The following ACACA variants were observed in gnomAD, a reference collection of about 807,000 sequenced individuals.
ACACA encodes acetyl-CoA carboxylase 1.
In ACACA, 103 loss-of-function variants were observed where a neutral mutation model predicts 296.1. That is an observed-to-expected ratio of 0.35 (90% CI 0.30 to 0.41). ACACA has a LOEUF of 0.41. Among genes scored for constraint, ACACA ranks in the 10% least tolerant of loss-of-function variants. ACACA has a pLI of 1.00. For synonymous variants in ACACA, 953 were observed against 1,038.6 expected (o/e 0.92, Z 1.58); for missense variants, 1,554 against 2,989.7 (o/e 0.52, Z 11.20).
chr17:37,377,659 C>CAATCAATA (rs1428067831), intron 1 of ACACA, among the ~76,000 whole-genome samples: 15 of 143,634 alleles, frequency 1.0e-4, no homozygotes, highest in African/African-American at 3.9e-4. Flanking sequence ...GACTCCGTCT[C>CAATCAATA]AATAAATAAA....
chr17:37,207,967 T>C (rs774003394), intron 30 of ACACA, among the ~76,000 whole-genome samples, 167 bp from the exon 31 acceptor site: 21 of 152,234 alleles, frequency 1.4e-4, no homozygotes, highest in African/African-American at 5.1e-4. Context: ...GCTGGATTCA[T>C]GTTAACCCTT....
At chr17:37,374,289 CTTT>C (rs754001129) in intron 1 of ACACA, among the ~76,000 whole-genome samples, 3 of 140,076 alleles carry the variant, frequency 2.1e-5, no homozygotes, top group Non-Finnish European at 1.6e-5. Context: ...TTTTTCTTTT[CTTT>C]TTTTTTTTTT....
chr17:37,188,165 T>TC, intron 39 of ACACA, 112 bp downstream of exon 39: 1 of 1,040,400 alleles, frequency 9.6e-7, no homozygotes. Flanking sequence ...TAGAGGATAA[T>TC]CCCACCAGGT....
chr17:37,372,413 G>GAA (rs71135711), intron 1 of ACACA, among the ~76,000 whole-genome samples: 26 of 89,652 alleles, frequency 2.9e-4, no homozygotes, highest in African/African-American at 5.3e-4. Context: ...ACTCTGTCTC[G>GAA]AAAAAAAAAA....
chr17:37,298,088 G>A (rs1384979367), intron 3 of ACACA, among the ~76,000 whole-genome samples: 1 of 152,114 alleles, frequency 6.6e-6, no homozygotes, highest in African/African-American at 2.4e-5. Flanking sequence ...CTACAGAGTA[G>A]CTGGTACTAC....
chr17:37,243,534 A>C lies in ACACA; in HGVS notation c.2768T>G (p.Met923Arg). Reference protein sequence around the residue: ...SKVKDWVERLMKTLRDPSLPL... With the variant: ...SKVKDWVERLRKTLRDPSLPL... ...CAGGGAGGGATCTCTGAGGGTTTTC[A>C]TCAATCGCTCTACCCAGTCTTTTAC... Residue 923 changes from methionine (M) to arginine (R), a missense_variant, in exon 22 of 56, where the codon ATG (methionine) becomes AGG (arginine). This residue lies in a region of ACACA where 316 missense variants were observed against 540.9 expected (regional missense o/e 0.58). Transcript: ENST00000616317. 1 of 1,614,054 alleles carries C rather than the reference A, an allele frequency of 6.2e-7. No homozygotes were observed. Among genetic ancestry groups the C allele is most frequent in the Non-Finnish European group, 8.5e-7 (1 of 1,180,008 alleles).
rs779256794 is a variant in ACACA at position 37,113,007 on chromosome 17, T to C, written c.6452+81A>G. 6.5e-6 allele frequency: 10 copies of C among 1,545,986 alleles called. No homozygotes were observed. Among genetic ancestry groups the C allele is most frequent in the Admixed American group, 1.7e-5 (1 of 57,990 alleles). On this transcript the variant is annotated intron_variant, in intron 51 of 55. Transcript: ENST00000616317. This position sits in a 1 kb window ranked among gnomAD's most constrained non-coding sequence, Gnocchi z 4.0. ...ACAGGATGTGGGTGCTGTAGTGCCA[T>C]GGCTGTAACATTCTCCAGGAGGAAA...
chr17:37,227,995 T>C (rs948089726), intron 25 of ACACA, among the ~76,000 whole-genome samples: 2 of 152,148 alleles, frequency 1.3e-5, no homozygotes, highest in Non-Finnish European at 2.9e-5. Context: ...ATCTCCCCAC[T>C]TTGATTATCA....
At position 37,121,268 on chromosome 17, in the gene ACACA, C is replaced by T. The variant is rs543473823; in HGVS notation, c.6274+87G>A. 2.8e-5 allele frequency: 44 copies of T among 1,576,664 alleles called. No homozygotes were observed. The African/African-American group carries it at 5.8e-4, about 21-fold the overall frequency. On this transcript the variant is annotated intron_variant, in intron 50 of 55. Transcript: ENST00000616317. ...AAAGCCTAGGCTATTAGGACACCCA[C>T]AGATTCTGCTGAATCTATACCCTCC... is the stretch of plus-strand genomic sequence containing the variant.
chr17:37,347,795 T>C (rs988944247), intron 1 of ACACA, among the ~76,000 whole-genome samples: 39 of 149,406 alleles, frequency 2.6e-4, no homozygotes, highest in African/African-American at 9.6e-4. Flanking sequence ...CAAGAAAGAA[T>C]TTTTAAAAGC....
At chr17:37,381,871 C>T (rs921892909) in intron 1 of ACACA, among the ~76,000 whole-genome samples, 1 of 152,078 alleles carries the variant, frequency 6.6e-6, no homozygotes, top group Non-Finnish European at 1.5e-5. Flanking sequence ...TTGTGATCTG[C>T]CCGCCTTGGC....
intron 10 of ACACA, among the ~76,000 whole-genome samples, chr17:37,269,046 TA>T (rs35990848): frequency 0.068 from 8,278 of 121,128 alleles, 311 homozygotes; most frequent in Middle Eastern, 0.13. Flanking sequence ...GAAAAAAATG[TA>T]AAAAAAAAAA....
intron 43 of ACACA, among the ~76,000 whole-genome samples, chr17:37,151,697 C>G (rs934860060): frequency 6.6e-6 from 1 of 152,148 alleles, no homozygotes; most frequent in African/African-American, 2.4e-5. Context: ...GAGTCTCGCT[C>G]TATTGGCAGG....
intron 40 of ACACA, 25 bp from the exon 41 acceptor site, chr17:37,179,431 A>C (rs1567771375): frequency 1.2e-6 from 2 of 1,612,196 alleles, no homozygotes; most frequent in African/African-American, 1.3e-5. Flanking sequence ...AAGTTTGACT[A>C]ATCAGTCACA....
chr17:37,266,369 G>T (rs945350455), intron 10 of ACACA, among the ~76,000 whole-genome samples: 5 of 150,806 alleles, frequency 3.3e-5, no homozygotes. Flanking sequence ...AGCCGAGATC[G>T]CGCCACTGCA....
At chr17:37,166,709 T>A (rs2076681816) in intron 41 of ACACA, among the ~76,000 whole-genome samples, 1 of 152,194 alleles carries the variant, frequency 6.6e-6, no homozygotes, top group Non-Finnish European at 1.5e-5. Context: ...GCTAGCCGTA[T>A]AACCTTGGAC....
At position 37,324,015 on chromosome 17, in the gene ACACA, G is replaced by C. The variant is rs534358073; in HGVS notation, c.338+6158C>G. 2.6e-5 allele frequency among the ~76,000 whole-genome samples: 4 copies of C among 152,328 alleles called. No homozygotes were observed. In the South Asian group the frequency reaches 6.2e-4, roughly 24 times the overall value. On this transcript the variant is annotated intron_variant, in intron 3 of 55. Coordinates refer to ENST00000616317, the MANE Select transcript of ACACA (RefSeq NM_198834.3). ...GGAGGCCAAGGCGGGTGGATCACCT[G>C]AGGTCAGGGGTTCAAGACCAGCCTG...
chr17:37,226,311 CT>C (rs2079542456), intron 26 of ACACA, 27 bp downstream of exon 26: 3 of 1,570,162 alleles, frequency 1.9e-6, no homozygotes, highest in Non-Finnish European at 1.8e-6. Context: ...GCCATCCCTC[CT>C]TTAAGAAAAC....
intron 1 of ACACA, among the ~76,000 whole-genome samples, chr17:37,398,229 CAA>C (rs35921490): frequency 1.1e-4 from 7 of 65,108 alleles, no homozygotes; most frequent in East Asian, 4.8e-4. Flanking sequence ...GACTCTGTCT[CAA>C]AAAAAAAAAA....
Sources: allele counts gnomAD v4.1 joint callset (sites outside exome capture counted in the v4.1 genomes callset), GRCh38; gene constraint gnomAD v4.1.1; regional missense constraint gnomAD v4.1.1; non-coding constraint Gnocchi (gnomAD v3.1); transcripts MANE v1.5; gene names NCBI Gene and HGNC (gene_info 2026-07-23, HGNC 2026-07-21).